SPMAP2L: variants seen among roughly 807,000 people sequenced by gnomAD.
SPMAP2L encodes sperm microtubule associated protein 2 like.
At chr4:56,566,695 CTTTTTTTTTT>C in the SPMAP2L span, among the ~76,000 whole-genome samples, 4 of 92,448 alleles carry the variant, frequency 4.3e-5, no homozygotes, top group East Asian at 2.9e-4. Context: ...TTTTCTTTTT[CTTTTTTTTTT>C]TTTTTTTTTT....
At chr4:56,562,911 A>G in the SPMAP2L span, among the ~76,000 whole-genome samples, 1 of 151,208 alleles carries the variant, frequency 6.6e-6, no homozygotes, top group Non-Finnish European at 1.5e-5. Flanking sequence ...GGAAGAGTAG[A>G]TAATTTATTA....
At chr4:56,584,107 C>T in the SPMAP2L span, among the ~76,000 whole-genome samples, 1 of 152,050 alleles carries the variant, frequency 6.6e-6, no homozygotes, top group Non-Finnish European at 1.5e-5. Context: ...GCTGGGACTA[C>T]AGGCACATGC....
the SPMAP2L span, among the ~76,000 whole-genome samples, chr4:56,621,554 A>G: frequency 6.6e-6 from 1 of 152,242 alleles, no homozygotes; most frequent in Non-Finnish European, 1.5e-5. Context: ...ATGGCAAGAT[A>G]AAAGATGATA....
At chr4:56,555,577 T>C in the SPMAP2L span, among the ~76,000 whole-genome samples, 1 of 152,192 alleles carries the variant, frequency 6.6e-6, no homozygotes, top group Non-Finnish European at 1.5e-5. Flanking sequence ...ATATTGAGTC[T>C]TCCTATCCAT....
the SPMAP2L span, among the ~76,000 whole-genome samples, chr4:56,541,275 CAA>C: frequency 6.6e-6 from 1 of 151,812 alleles, no homozygotes; most frequent in Non-Finnish European, 1.5e-5. Context: ...CTAAAATAGA[CAA>C]ATGTTTATAA....
At chr4:56,563,799 T>C in the SPMAP2L span, among the ~76,000 whole-genome samples, 1 of 152,214 alleles carries the variant, frequency 6.6e-6, no homozygotes, top group Non-Finnish European at 1.5e-5. Flanking sequence ...TGATGCAATA[T>C]AACTTTAGAA....
chr4:56,584,193 T>C, the SPMAP2L span, among the ~76,000 whole-genome samples: 1 of 152,120 alleles, frequency 6.6e-6, no homozygotes, highest in Non-Finnish European at 1.5e-5. Flanking sequence ...TCTCAAACTC[T>C]AGGCCTCAAG....
chr4:56,584,430 A>G, the SPMAP2L span: 1 of 1,007,260 alleles, frequency 9.9e-7, no homozygotes, highest in Non-Finnish European at 1.5e-6. Context: ...GATTGTAGTA[A>G]TGGAAAATCC....
the SPMAP2L span, among the ~76,000 whole-genome samples, chr4:56,540,197 T>C: frequency 6.6e-6 from 1 of 152,224 alleles, no homozygotes; most frequent in Non-Finnish European, 1.5e-5. Context: ...AGATGAAGAA[T>C]GTGAGACTTG....
the SPMAP2L span, chr4:56,530,690 A>T: frequency 6.5e-7 from 1 of 1,534,492 alleles, no homozygotes; most frequent in South Asian, 1.2e-5. Flanking sequence ...GAGAACCAAG[A>T]GTTTCTAAGT....
the SPMAP2L span, chr4:56,595,200 C>G: frequency 2.7e-5 from 44 of 1,611,528 alleles, no homozygotes; most frequent in Non-Finnish European, 3.6e-5. Flanking sequence ...AAAAACACTA[C>G]AGAATTCTTT....
At chr4:56,579,998 A>T in the SPMAP2L span, among the ~76,000 whole-genome samples, 1 of 152,190 alleles carries the variant, frequency 6.6e-6, no homozygotes, top group Non-Finnish European at 1.5e-5. Context: ...AATTCCATGA[A>T]ATATTTAGAA....
At chr4:56,625,282 TTGATTTTACAGGCTCATAG>T in the SPMAP2L span, among the ~76,000 whole-genome samples, 3 of 152,180 alleles carry the variant, frequency 2.0e-5, no homozygotes, top group South Asian at 6.2e-4. Context: ...TAGCTTGCTT[TTGATTTTACAGGCTCATAG>T]GAGGAAGGGA....
chr4:56,557,667 C>G, the SPMAP2L span: 3 of 152,256 alleles, frequency 2.0e-5, no homozygotes, highest in Middle Eastern at 3.4e-3. Context: ...CCCCAAGAAT[C>G]CTTCTAGTTC....
chr4:56,542,145 A>T, the SPMAP2L span, among the ~76,000 whole-genome samples: 1 of 152,252 alleles, frequency 6.6e-6, no homozygotes, highest in East Asian at 1.9e-4. Context: ...GATCTGCCTC[A>T]GGCTCTGTTT....
the SPMAP2L span, among the ~76,000 whole-genome samples, chr4:56,567,623 A>G: frequency 1.3e-4 from 20 of 151,634 alleles, no homozygotes; most frequent in East Asian, 5.8e-4. Flanking sequence ...CTGCTGATGA[A>G]TTCTTTCAGC....
At chr4:56,570,679 T>G in the SPMAP2L span, among the ~76,000 whole-genome samples, 1 of 152,218 alleles carries the variant, frequency 6.6e-6, no homozygotes, top group Non-Finnish European at 1.5e-5. Context: ...AGGACATGAC[T>G]GCATGCTACG....
At chr4:56,594,826 G>A in the SPMAP2L span, 1 of 1,579,908 alleles carries the variant, frequency 6.3e-7, no homozygotes, top group African/African-American at 1.3e-5. Flanking sequence ...ATGGAGGATA[G>A]GTCTACCTAG....
chr4:56,548,783 CT>C, the SPMAP2L span: 8 of 1,485,184 alleles, frequency 5.4e-6, no homozygotes, highest in South Asian at 1.3e-5. Flanking sequence ...CTTTTGTTTT[CT>C]TTTAGCAAAT....
Sources: allele counts gnomAD v4.1 joint callset (sites outside exome capture counted in the v4.1 genomes callset), GRCh38; gene constraint gnomAD v4.1.1; transcripts MANE v1.5; gene names NCBI Gene and HGNC (gene_info 2026-07-23, HGNC 2026-07-21).